The following PTPRB variants were observed in gnomAD, a reference collection of about 807,000 sequenced individuals.
PTPRB encodes protein tyrosine phosphatase receptor type B, also known as receptor-type tyrosine-protein phosphatase beta.
PTPRB carries 97 observed loss-of-function variants against 238.1 expected under a neutral mutation model. The ratio of observed to expected loss-of-function variants is 0.41; its 90% CI spans 0.35 to 0.48. PTPRB has a LOEUF of 0.48. PTPRB is among the 20% of genes least tolerant of loss of function. The pLI, the probability that PTPRB is intolerant of heterozygous loss-of-function variation, is 0.30. For synonymous variants in PTPRB, 970 were observed against 995.4 expected (o/e 0.97, Z 0.48); for missense variants, 2,292 against 2,681.9 (o/e 0.85, Z 3.21).
chr12:70,591,245 T>C (rs1882465959), intron 7 of PTPRB, among the ~76,000 whole-genome samples: 1 of 151,890 alleles, frequency 6.6e-6, no homozygotes, highest in African/African-American at 2.4e-5. Flanking sequence ...TCCCATTTCC[T>C]CCAAGTTTTT....
At chr12:70,524,334 C>T in intron 33 of PTPRB, 137 bp downstream of exon 33, 1 of 959,008 alleles carries the variant, frequency 1.0e-6, no homozygotes, top group Non-Finnish European at 1.5e-6. Context: ...AGGCTGGTTT[C>T]AAACTCTTAG....
At chr12:70,627,658 C>T (rs1159552150) in intron 2 of PTPRB, among the ~76,000 whole-genome samples, 1 of 151,942 alleles carries the variant, frequency 6.6e-6, no homozygotes, top group Non-Finnish European at 1.5e-5. Context: ...TTGGGGAATG[C>T]TGGATGCTAT....
At chr12:70,534,154 G>C (rs984068610) in intron 31 of PTPRB, among the ~76,000 whole-genome samples, 1 of 152,160 alleles carries the variant, frequency 6.6e-6, no homozygotes, top group Admixed American at 6.5e-5. Context: ...TGGGAACTTA[G>C]ATTGAAGGTG....
At chr12:70,527,948 C>T (rs1452473981) in intron 32 of PTPRB, among the ~76,000 whole-genome samples, 1 of 152,146 alleles carries the variant, frequency 6.6e-6, no homozygotes, top group Non-Finnish European at 1.5e-5. Flanking sequence ...TAAAGCAAGG[C>T]AGATGATACT....
chr12:70,523,223 C>G (rs1002387567), intron 33 of PTPRB, among the ~76,000 whole-genome samples: 1 of 151,802 alleles, frequency 6.6e-6, no homozygotes, highest in Middle Eastern at 3.4e-3. Context: ...GGCACAATTA[C>G]AGCTCACTGT....
At chr12:70,521,619 A>C in intron 33 of PTPRB, 108 bp from the exon 34 acceptor site, 123 of 936,236 alleles carry the variant, frequency 1.3e-4, no homozygotes, top group Non-Finnish European at 1.6e-4. Context: ...CATATAGCTC[A>C]ACCTAGTTTA....
intron 17 of PTPRB, among the ~76,000 whole-genome samples, chr12:70,559,901 T>A (rs1189475263): frequency 6.6e-6 from 1 of 150,526 alleles, no homozygotes; most frequent in East Asian, 2.0e-4. Context: ...AGTGGAGTGA[T>A]CTTGGCTCAC....
intron 1 of PTPRB, among the ~76,000 whole-genome samples, chr12:70,637,027 T>C (rs1885731470): frequency 6.6e-6 from 1 of 152,090 alleles, no homozygotes. Flanking sequence ...GAAAAAGGCT[T>C]GGGGAAAGCC....
At position 70,538,129 on chromosome 12, in the gene PTPRB, A is replaced by G. The variant is rs757676732; in HGVS notation, c.5946+26T>C. The G allele has an allele frequency of 1.6e-5, 25 of 1,592,950 alleles. No homozygotes were observed. The Admixed American group carries it at 4.3e-4, about 27-fold the overall frequency. On this transcript the variant is annotated intron_variant, in intron 28 of 33. Coordinates refer to ENST00000334414, the MANE Select transcript of PTPRB (RefSeq NM_001109754.4). ...GCCACCCACCAAAGCCTCATCCTGA[A>G]CACTATGGCCTAGTGGGTCACTTAC...
rs761202516 is a variant in PTPRB, at chr12:70,563,091, G to A, written c.3921C>T (p.Thr1307=). The change falls in exon 16 of 34, where the codon ACC becomes ACT. Residue 1307 remains threonine, a synonymous_variant. Transcript: ENST00000334414. ...TEGRTVPAAV[T]DLRITENSTR... ...TGGAGTTCTCTGTGATCCTCAGGTC[G>A]GTGACAGCTGCTGGGACTGGAAAAG... 20 of 1,612,432 alleles carry A rather than the reference G, an allele frequency of 1.2e-5. No homozygotes were observed. The highest frequency in any genetic ancestry group is 5.3e-5 in the African/African-American group (4 of 74,864).
intron 2 of PTPRB, among the ~76,000 whole-genome samples, chr12:70,626,536 T>G (rs374145902): frequency 8.9e-4 from 135 of 152,104 alleles, no homozygotes; most frequent in African/African-American, 3.1e-3. Context: ...ACTGAACATG[T>G]ACAGACATTT....
intron 4 of PTPRB, among the ~76,000 whole-genome samples, chr12:70,596,752 A>G (rs1256585733): frequency 1.3e-5 from 2 of 152,168 alleles, no homozygotes; most frequent in East Asian, 1.9e-4. Flanking sequence ...TGAAATATAC[A>G]CTGAACTTCT....
chr12:70,631,964 A>C (rs1885473112), intron 2 of PTPRB, among the ~76,000 whole-genome samples: 1 of 152,018 alleles, frequency 6.6e-6, no homozygotes. Flanking sequence ...AAATTGGAAC[A>C]CTTACACTGT....
intron 2 of PTPRB, among the ~76,000 whole-genome samples, chr12:70,624,354 T>C (rs1240712306): frequency 6.6e-6 from 1 of 152,192 alleles, no homozygotes; most frequent in Non-Finnish European, 1.5e-5. Context: ...TCGGCTTTGA[T>C]TGATTTTTGG....
intron 19 of PTPRB, 133 bp from the exon 20 acceptor site, chr12:70,555,442 A>T: frequency 1.2e-6 from 1 of 862,608 alleles, no homozygotes; most frequent in South Asian, 1.8e-5. Flanking sequence ...GCCTGTGTTT[A>T]ATGCTGTAAT....
chr12:70,539,207 C>T (rs548358920), intron 26 of PTPRB, 193 bp from the exon 27 acceptor site: 38 of 599,364 alleles, frequency 6.3e-5, no homozygotes, highest in Non-Finnish European at 1.1e-4. Context: ...CACTATTTTA[C>T]AGGTGAGGCT....
chr12:70,635,597 C>G (rs772323678), intron 2 of PTPRB, 74 bp downstream of exon 2: 5 of 1,495,664 alleles, frequency 3.3e-6, no homozygotes, highest in Non-Finnish European at 4.5e-6. Context: ...AACAAACAAA[C>G]AAACAAACAA....
chr12:70,571,461 T>C (rs1880042398), intron 12 of PTPRB, 172 bp from the exon 13 acceptor site: 1 of 687,770 alleles, frequency 1.5e-6, no homozygotes, highest in Non-Finnish European at 2.4e-6. Flanking sequence ...CTATTAACAT[T>C]GTGGTTTTTT....
chr12:70,522,149 G>A (rs1044707950), intron 33 of PTPRB, among the ~76,000 whole-genome samples: 2 of 152,164 alleles, frequency 1.3e-5, no homozygotes, highest in African/African-American at 2.4e-5. Flanking sequence ...TAGGCTGGGT[G>A]GTAGAGAGAA....
Sources: allele counts gnomAD v4.1 joint callset (sites outside exome capture counted in the v4.1 genomes callset), GRCh38; gene constraint gnomAD v4.1.1; transcripts MANE v1.5; gene names NCBI Gene and HGNC (gene_info 2026-07-23, HGNC 2026-07-21).